The following HDAC9 variants were observed in gnomAD, a reference collection of about 807,000 sequenced individuals.
HDAC9 encodes the protein MEF-2 interacting transcription repressor (MITR) protein.
In HDAC9, 41 loss-of-function variants were observed where a neutral mutation model predicts 139.4. The ratio of observed to expected loss-of-function variants is 0.29; its 90% CI spans 0.23 to 0.38. HDAC9 has a LOEUF of 0.38. Ranked by LOEUF, HDAC9 falls within the 10% of genes least tolerant of loss-of-function variation. HDAC9 has a pLI of 1.00. For synonymous variants in HDAC9, 517 were observed against 476.2 expected, an observed-to-expected ratio of 1.09 and a Z score of -1.12; for missense variants, 1,147 against 1,297.0, an observed-to-expected ratio of 0.88 and a Z score of 1.78.
chr7:18,118,113 C>T (rs906586501), intron 1 of HDAC9, among the ~76,000 whole-genome samples: 1 of 152,160 alleles, frequency 6.6e-6, no homozygotes, highest in African/African-American at 2.4e-5. Flanking sequence ...AAAGCCAGGG[C>T]TCAGGGTTAA....
chr7:18,943,990 T>C (rs1341284989), intron 23 of HDAC9, among the ~76,000 whole-genome samples: 2 of 152,132 alleles, frequency 1.3e-5, no homozygotes, highest in African/African-American at 4.8e-5. Flanking sequence ...GTCAAGAATT[T>C]TAATGACTTC....
intron 1 of HDAC9, among the ~76,000 whole-genome samples, chr7:18,100,857 C>T (rs772909738): frequency 9.9e-5 from 15 of 152,006 alleles, no homozygotes; most frequent in Admixed American, 3.3e-4. Context: ...TCCTATAAAT[C>T]TTCTTGAGTA....
At chr7:18,637,877 C>A (rs369187254) in intron 8 of HDAC9, among the ~76,000 whole-genome samples, 1 of 151,994 alleles carries the variant, frequency 6.6e-6, no homozygotes, top group East Asian at 1.9e-4. Context: ...AAATTAATAT[C>A]CTAGCTTTTT....
intron 13 of HDAC9, among the ~76,000 whole-genome samples, chr7:18,727,992 T>G (rs1785693891): frequency 6.6e-6 from 1 of 152,184 alleles, no homozygotes; most frequent in Non-Finnish European, 1.5e-5. Flanking sequence ...GGAAAATACA[T>G]CAACAGGTGC....
At chr7:18,977,729 T>C (rs980794872) in intron 25 of HDAC9, among the ~76,000 whole-genome samples, 1 of 152,188 alleles carries the variant, frequency 6.6e-6, no homozygotes, top group Non-Finnish European at 1.5e-5. Flanking sequence ...TGTTCATTTA[T>C]CACTTTTAGA....
intron 1 of HDAC9, among the ~76,000 whole-genome samples, chr7:18,091,915 AC>A (rs1484646926): frequency 6.6e-6 from 1 of 152,232 alleles, no homozygotes; most frequent in East Asian, 1.9e-4. Flanking sequence ...AGGTACTGTT[AC>A]AACATGGCAT....
At chr7:18,972,909 C>G (rs563491358) in intron 24 of HDAC9, among the ~76,000 whole-genome samples, 92 of 152,318 alleles carry the variant, frequency 6.0e-4, no homozygotes, top group African/African-American at 2.2e-3. Flanking sequence ...GGTAATGTAT[C>G]ATTTCCAAAG....
chr7:18,120,230 T>C (rs1784278259), intron 1 of HDAC9, among the ~76,000 whole-genome samples: 1 of 152,136 alleles, frequency 6.6e-6, no homozygotes, highest in Non-Finnish European at 1.5e-5. Flanking sequence ...GGGGTGCTGC[T>C]CAATATCTTA....
chr7:18,214,491 G>T (rs1159900685), intron 2 of HDAC9, among the ~76,000 whole-genome samples: 1 of 152,032 alleles, frequency 6.6e-6, no homozygotes, highest in Non-Finnish European at 1.5e-5. Context: ...CTTGTTAGAT[G>T]AATTATAACT....
intron 2 of HDAC9, among the ~76,000 whole-genome samples, chr7:18,509,896 GATC>G (rs1334902899): frequency 6.6e-6 from 1 of 152,048 alleles, no homozygotes; most frequent in Non-Finnish European, 1.5e-5. Flanking sequence ...AGAGGAAAAG[GATC>G]ATGTTTTACT....
At position 18,997,743 on chromosome 7, in the gene HDAC9, T is replaced by C. The variant is rs1207805305; in HGVS notation, c.*1681T>C. 1.3e-5 allele frequency: 2 copies of C among 152,166 alleles called. No individual in the cohort carries two copies. The highest frequency in any genetic ancestry group is 2.1e-4 in the South Asian group (1 of 4,834). 9.4% of individuals were successfully genotyped at this position (152,166 alleles called of 1,614,324 possible). On this transcript the variant is annotated 3_prime_UTR_variant, in exon 26 of 26. Transcript: ENST00000686413. ...GAAAGATTTCACTCAAGTAGAATTA[T>C]ATAACTCCCTTTGTTATACAGTCAG...
intron 2 of HDAC9, among the ~76,000 whole-genome samples, chr7:18,221,371 C>G (rs559783020): frequency 1.3e-5 from 2 of 152,276 alleles, no homozygotes; most frequent in South Asian, 4.1e-4. Context: ...TCGCAAAGTG[C>G]TGGGATTACA....
At chr7:18,666,544 A>G in intron 12 of HDAC9, 68 bp downstream of exon 12, 2 of 1,555,716 alleles carry the variant, frequency 1.3e-6, no homozygotes, top group Non-Finnish European at 1.7e-6. Flanking sequence ...AATGCATTGC[A>G]GGTTTGGTAA....
At chr7:18,722,375 G>T (rs932281957) in intron 12 of HDAC9, among the ~76,000 whole-genome samples, 5 of 152,132 alleles carry the variant, frequency 3.3e-5, no homozygotes, top group African/African-American at 1.2e-4. Context: ...TAAGTAAAAT[G>T]TTAACTTGGG....
rs192425733 is a variant in HDAC9 at position 18,938,191 on chromosome 7, A to G, written c.2937+2249A>G. Among the ~76,000 whole-genome samples the G allele has an allele frequency of 2.9e-5, 4 of 138,294 alleles. 1 individual carries two copies. The highest frequency in any genetic ancestry group is 1.1e-4 in the African/African-American group (4 of 36,782). 90.7% of individuals were successfully genotyped at this position (138,294 alleles called of 152,430 possible). ...TGATGGCATGAGCCGAGATCCCGCC[A>G]CTGCACTCCAGCCTGGGCGACAGAG... On this transcript the variant is annotated intron_variant, in intron 23 of 25. Transcript: ENST00000686413.
chr7:18,312,465 T>G (rs534061167), intron 1 of HDAC9, among the ~76,000 whole-genome samples: 1 of 152,212 alleles, frequency 6.6e-6, no homozygotes. Flanking sequence ...TGGAAGTGCC[T>G]TGTGCCTCCT....
chr7:18,401,574 A>G (rs749512497), intron 1 of HDAC9, among the ~76,000 whole-genome samples: 1 of 152,216 alleles, frequency 6.6e-6, no homozygotes, highest in African/African-American at 2.4e-5. Flanking sequence ...AATAACCTCA[A>G]TGCCTCAGCA....
At chr7:18,289,903 C>T (rs1585020546), upstream of HDAC9, among the ~76,000 whole-genome samples, 1 of 152,070 alleles carries the variant, frequency 6.6e-6, no homozygotes, top group East Asian at 1.9e-4. Flanking sequence ...GTACTTTGCC[C>T]TGTGTTTTAA....
At chr7:18,980,393 A>T (rs1242544456) in intron 25 of HDAC9, among the ~76,000 whole-genome samples, 1 of 152,184 alleles carries the variant, frequency 6.6e-6, no homozygotes, top group African/African-American at 2.4e-5. Context: ...ACCACTACAG[A>T]GGAAGAGTAG....
Sources: gnomAD v4.1 joint callset for allele counts (sites outside exome capture counted in the v4.1 genomes callset) on GRCh38, gnomAD v4.1.1 for gene constraint, MANE v1.5 for transcripts, NCBI Gene and HGNC (gene_info 2026-07-23, HGNC 2026-07-21) for gene names.